The following UBE2J1 variants were observed in gnomAD, a reference collection of about 807,000 sequenced individuals.
UBE2J1 encodes the protein ubiquitin conjugating enzyme E2 J1, also known as ubiquitin-conjugating enzyme E2 J1.
In UBE2J1, 17 loss-of-function variants were observed where a neutral mutation model predicts 42.1. That is an observed-to-expected ratio of 0.40 (90% CI 0.28 to 0.61). The LOEUF (loss-of-function observed/expected upper bound fraction) is 0.61, where lower values mean the gene tolerates loss of function less well. Among genes scored for constraint, UBE2J1 ranks in the 20% least tolerant of loss-of-function variants. UBE2J1 has a pLI of 0.38. For synonymous variants in UBE2J1, 127 were observed against 137.2 expected, an observed-to-expected ratio of 0.93 and a Z score of 0.52; for missense variants, 291 against 389.4, an observed-to-expected ratio of 0.75 and a Z score of 2.13.
intron 1 of UBE2J1, among the ~76,000 whole-genome samples, chr6:89,352,014 T>A (rs557299620): frequency 6.6e-6 from 1 of 152,320 alleles, no homozygotes; most frequent in South Asian, 2.1e-4. Flanking sequence ...TTTGTTTTGC[T>A]TTAGCTCTAT....
chr6:89,348,936 T>C (rs562279557), intron 1 of UBE2J1, among the ~76,000 whole-genome samples: 2 of 151,952 alleles, frequency 1.3e-5, no homozygotes, highest in Non-Finnish European at 2.9e-5. Context: ...TCAGGCAAAA[T>C]GGATAGGTAA....
At chr6:89,333,264 C>T (rs553600338) in intron 6 of UBE2J1, 59 bp from the exon 7 acceptor site, 1 of 1,536,142 alleles carries the variant, frequency 6.5e-7, no homozygotes, top group Admixed American at 2.1e-5. Flanking sequence ...GAAACATACA[C>T]AATCTACAAC....
rs1365993828 is a variant in UBE2J1 at position 89,335,739 on chromosome 6, C to G, written c.429-308G>C. Among the ~76,000 whole-genome samples the G allele has an allele frequency of 2.0e-5, 3 of 152,024 alleles. No individual in the cohort carries two copies. The East Asian group carries it at 5.8e-4, about 29-fold the overall frequency. On this transcript the variant is annotated intron_variant, in intron 5 of 7. Transcript: ENST00000435041. ...TTGTCTATTATACTGTCCTTGAGAT[C>G]ACATATAACAAACCTATTTTAAGGC...
chr6:89,326,755 G>A lies in UBE2J1; in HGVS notation c.*2924C>T, dbSNP rs113963309. On this transcript the variant is annotated 3_prime_UTR_variant, in exon 8 of 8. Transcript: ENST00000435041. ...AACCTTAAAAAGTACATCTGTTAATGTGCACATTAGTCTTTGTTAGTCACG... is the reference window on the plus strand; with the variant it reads ...AACCTTAAAAAGTACATCTGTTAATATGCACATTAGTCTTTGTTAGTCACG... The A allele has an allele frequency of 6.6e-6, 1 of 152,158 alleles. No homozygotes were observed. Among genetic ancestry groups the A allele is most frequent in the Non-Finnish European group, 1.5e-5 (1 of 68,024 alleles). The allele number at this position is 152,158 out of a possible 1,614,324, so 9.4% of individuals were successfully genotyped here. A position where few individuals can be genotyped will look rare whatever the true frequency, so the allele number is the denominator to read the frequency against.
intron 1 of UBE2J1, among the ~76,000 whole-genome samples, chr6:89,346,494 C>G (rs1320139468): frequency 1.3e-5 from 2 of 152,122 alleles, no homozygotes; most frequent in African/African-American, 4.8e-5. Context: ...CACTTTACCT[C>G]CCCTCCACTC....
chr6:89,336,479 T>A lies in UBE2J1; in HGVS notation c.429-1048A>T, dbSNP rs917693389. Among the ~76,000 whole-genome samples, 449 of 150,918 alleles carry A rather than the reference T, an allele frequency of 3.0e-3. 3 individuals carry two copies. The highest frequency in any genetic ancestry group is 0.011 in the African/African-American group (435 of 41,230). On this transcript the variant is annotated intron_variant, in intron 5 of 7. Transcript: ENST00000435041. ...CTAATTTTTATTTTATTTTATTTTT[T>A]TTTTTTATTTCATTTTATTATTATT... is the stretch of plus-strand genomic sequence containing the variant.
intron 7 of UBE2J1, 131 bp from the exon 8 acceptor site, chr6:89,330,088 T>C (rs1582477567): frequency 1.1e-6 from 1 of 888,650 alleles, no homozygotes; most frequent in African/African-American, 1.7e-5. Context: ...GAATGATTGT[T>C]ACTAATAATA....
At chr6:89,333,020 C>A in intron 7 of UBE2J1, 66 bp downstream of exon 7, 1 of 1,393,626 alleles carries the variant, frequency 7.2e-7, no homozygotes, top group Non-Finnish European at 9.4e-7. Flanking sequence ...CCAGGATCTT[C>A]TCCTCCTATT....
rs547635120 is a variant in UBE2J1, at chr6:89,344,489, T to G, written c.32-733A>C. ...TTTCCTCTTTATCCACACCCTTGGCTCTTAGGAGTCCCTCTTGTACACTCC... is the reference window on the plus strand; with the variant it reads ...TTTCCTCTTTATCCACACCCTTGGCGCTTAGGAGTCCCTCTTGTACACTCC... On this transcript the variant is annotated intron_variant, in intron 1 of 7. Coordinates refer to ENST00000435041, the MANE Select transcript of UBE2J1 (RefSeq NM_016021.3). Among the ~76,000 whole-genome samples, 34 of 152,294 alleles carry G rather than the reference T, an allele frequency of 2.2e-4. 1 individual carries two copies. The South Asian group carries it at 6.4e-3, about 29-fold the overall frequency.
intron 1 of UBE2J1, among the ~76,000 whole-genome samples, chr6:89,345,310 T>C (rs1024798739): frequency 7.2e-5 from 11 of 152,186 alleles, no homozygotes; most frequent in Non-Finnish European, 1.5e-4. Flanking sequence ...TTGCATAAAA[T>C]TGCATTTGAG....
At chr6:89,351,701 TC>T (rs1462191921) in intron 1 of UBE2J1, among the ~76,000 whole-genome samples, 1 of 152,210 alleles carries the variant, frequency 6.6e-6, no homozygotes, top group African/African-American at 2.4e-5. Context: ...CTGTGGAGTT[TC>T]TTCCCCCTGA....
chr6:89,334,750 G>A (rs1029437681), intron 6 of UBE2J1, among the ~76,000 whole-genome samples: 2 of 152,138 alleles, frequency 1.3e-5, no homozygotes, highest in Admixed American at 6.5e-5. Context: ...TTACAGGCGT[G>A]AGCCACCGCG....
At chr6:89,334,176 T>G (rs906596282) in intron 6 of UBE2J1, among the ~76,000 whole-genome samples, 4 of 151,822 alleles carry the variant, frequency 2.6e-5, no homozygotes, top group Non-Finnish European at 4.4e-5. Context: ...GCTAATTTTT[T>G]GTATTTTTAG....
chr6:89,344,006 T>C (rs1371777565), intron 1 of UBE2J1, among the ~76,000 whole-genome samples: 2 of 152,204 alleles, frequency 1.3e-5, no homozygotes, highest in Non-Finnish European at 2.9e-5. Context: ...TAAGTACTTA[T>C]ATATACTTCC....
At position 89,326,786 on chromosome 6, in the gene UBE2J1, T is replaced by G. The variant is rs1176492139; in HGVS notation, c.*2893A>C. The G allele has an allele frequency of 6.6e-6, 1 of 152,226 alleles. No homozygotes were observed. Among genetic ancestry groups the G allele is most frequent in the East Asian group, 1.9e-4 (1 of 5,200 alleles). The allele number at this position is 152,226 out of a possible 1,614,324, so 9.4% of individuals were successfully genotyped here. ...ATTAGTCTTTGTTAGTCACGTTCAC[T>G]AAATGCATTAACCTTACATATACTT... On this transcript the variant is annotated 3_prime_UTR_variant, in exon 8 of 8. Transcript: ENST00000435041.
intron 1 of UBE2J1, among the ~76,000 whole-genome samples, chr6:89,349,236 GAA>G (rs1407409770): frequency 6.6e-6 from 1 of 150,806 alleles, no homozygotes; most frequent in East Asian, 1.9e-4. Flanking sequence ...CAAAAAAAAA[GAA>G]AATGAGGAAG....
intron 3 of UBE2J1, 63 bp downstream of exon 3, chr6:89,342,261 C>G (rs1768258568): frequency 1.4e-5 from 22 of 1,566,896 alleles, no homozygotes; most frequent in South Asian, 2.3e-5. Context: ...GATTTGCTTA[C>G]TATATTTTGC....
At chr6:89,351,936 G>C (rs1768489285) in intron 1 of UBE2J1, among the ~76,000 whole-genome samples, 1 of 152,192 alleles carries the variant, frequency 6.6e-6, no homozygotes, top group Non-Finnish European at 1.5e-5. Flanking sequence ...TTTCATATTA[G>C]CCAGTCTGGC....
Position 89,335,385 on chromosome 6 carries a change from C to T in UBE2J1, c.475G>A (p.Val159Ile), listed in dbSNP as rs773363128. 8.7e-6 allele frequency: 14 copies of T among 1,606,744 alleles called. No individual in the cohort carries two copies. In the East Asian group the frequency reaches 3.1e-4, roughly 36 times the overall value. ...CEGCGSAMKD[V>I]LLPLKSGSDS... ...CTTCCAGATTTTAAAGGCAACAGGA[C>T]ATCCTTCATGGCAGAGCCACATCCT... The change falls in exon 6 of 8, where the codon GTC becomes ATC. Residue 159 changes from valine (V) to isoleucine (I), a missense_variant. By Grantham distance (29) the Val-to-Ile change is conservative. Coordinates refer to ENST00000435041, the MANE Select transcript of UBE2J1 (RefSeq NM_016021.3).
Sources: gnomAD v4.1 joint callset for allele counts (sites outside exome capture counted in the v4.1 genomes callset) on GRCh38, gnomAD v4.1.1 for gene constraint, MANE v1.5 for transcripts, NCBI Gene and HGNC (gene_info 2026-07-23, HGNC 2026-07-21) for gene names.